KIF6: variants seen among roughly 807,000 people sequenced by gnomAD.
The protein encoded by KIF6 is kinesin family member 6.
A neutral mutation model predicts 112.7 loss-of-function variants in KIF6; 106 were observed. That is an observed-to-expected ratio of 0.94 (90% CI 0.80 to 1.11). The LOEUF (loss-of-function observed/expected upper bound fraction) is 1.11, where lower values mean the gene tolerates loss of function less well. KIF6 is among the 50% of genes least tolerant of loss of function. KIF6 has a pLI of 0.00. For synonymous variants in KIF6, 339 were observed against 339.9 expected (o/e 1.00, Z 0.03); for missense variants, 929 against 964.0 (o/e 0.96, Z 0.48).
chr6:39,393,353 G>T (rs1316279253), intron 15 of KIF6, among the ~76,000 whole-genome samples: 1 of 152,198 alleles, frequency 6.6e-6, no homozygotes, highest in Non-Finnish European at 1.5e-5. Flanking sequence ...GCAAGTGACT[G>T]AATGTCAGTG....
chr6:39,394,411 C>T (rs1024156965), intron 15 of KIF6, among the ~76,000 whole-genome samples: 3 of 152,124 alleles, frequency 2.0e-5, no homozygotes, highest in Non-Finnish European at 4.4e-5. Context: ...TATTCATAAC[C>T]GAAGTCTCAG....
intron 10 of KIF6, among the ~76,000 whole-genome samples, chr6:39,551,077 A>C (rs1249960545): frequency 6.6e-6 from 1 of 152,192 alleles, no homozygotes; most frequent in African/African-American, 2.4e-5. Context: ...TCTCTTCCAT[A>C]TACTGATTTC....
chr6:39,451,182 A>G (rs1581885869), intron 13 of KIF6, among the ~76,000 whole-genome samples: 1 of 152,144 alleles, frequency 6.6e-6, no homozygotes, highest in East Asian at 1.9e-4. Context: ...TGGAGCTGGG[A>G]ATATGGTGGT....
intron 7 of KIF6, among the ~76,000 whole-genome samples, chr6:39,586,777 C>A (rs1381263994): frequency 6.6e-6 from 1 of 152,062 alleles, no homozygotes; most frequent in Non-Finnish European, 1.5e-5. Flanking sequence ...GGGCTGTACA[C>A]CAGTAAGCAA....
chr6:39,718,174 G>A (rs1447152877), intron 2 of KIF6, among the ~76,000 whole-genome samples: 1 of 141,576 alleles, frequency 7.1e-6, no homozygotes, highest in Non-Finnish European at 1.5e-5. Context: ...AGGTTGCAGT[G>A]AGCCGAGATC....
chr6:39,509,500 G>A (rs2150506834), intron 13 of KIF6, among the ~76,000 whole-genome samples: 1 of 152,250 alleles, frequency 6.6e-6, no homozygotes, highest in Admixed American at 6.5e-5. Flanking sequence ...TTAGACAAAT[G>A]GCTAACTAGA....
intron 13 of KIF6, among the ~76,000 whole-genome samples, chr6:39,536,521 G>T (rs1449072699): frequency 1.5e-4 from 21 of 138,780 alleles, no homozygotes; most frequent in South Asian, 7.2e-4. Context: ...CCAGGAAGAA[G>T]TTGAATCTCT....
intron 13 of KIF6, among the ~76,000 whole-genome samples, chr6:39,483,702 G>A (rs1351535843): frequency 1.3e-5 from 2 of 152,240 alleles, no homozygotes; most frequent in Non-Finnish European, 1.5e-5. Context: ...GCCTTTATCC[G>A]AGATTCAAAG....
At chr6:39,522,684 G>C (rs763783007) in intron 13 of KIF6, among the ~76,000 whole-genome samples, 6 of 152,190 alleles carry the variant, frequency 3.9e-5, no homozygotes, top group Non-Finnish European at 8.8e-5. Context: ...GCAATGTCCA[G>C]TACTGTGAAC....
intron 9 of KIF6, among the ~76,000 whole-genome samples, 169 bp from the exon 10 acceptor site, chr6:39,578,328 GA>G (rs1266072353): frequency 1.6e-5 from 2 of 128,472 alleles, no homozygotes; most frequent in Non-Finnish European, 3.2e-5. Flanking sequence ...AATAGTTCTA[GA>G]TTTTTTTTTT....
chr6:39,343,574 A>T lies in KIF6; in HGVS notation c.2428+135T>A, dbSNP rs1389974266. 2 of 1,215,040 alleles carry T rather than the reference A, an allele frequency of 1.6e-6. No individual in the cohort carries two copies. The highest frequency in any genetic ancestry group is 2.3e-6 in the Non-Finnish European group (2 of 874,548). The allele number at this position is 1,215,040 out of a possible 1,614,324, so 75.3% of individuals were successfully genotyped here. On this transcript the variant is annotated intron_variant, in intron 22 of 22. Coordinates refer to ENST00000287152, the MANE Select transcript of KIF6 (RefSeq NM_145027.6). This position sits in a 1 kb window ranked among gnomAD's most constrained non-coding sequence, Gnocchi z 4.1. ...AGGAATCAGAGGCTGGGCACATGTG[A>T]CTGACAGGCAGGCCAGTCCTGTGGC...
intron 3 of KIF6, among the ~76,000 whole-genome samples, chr6:39,695,157 C>T (rs569379339): frequency 3.3e-5 from 5 of 152,124 alleles, no homozygotes; most frequent in East Asian, 3.9e-4. Context: ...TCACCATATA[C>T]AAAAATTAAC....
intron 5 of KIF6, among the ~76,000 whole-genome samples, chr6:39,621,639 C>T (rs1375111634): frequency 6.6e-6 from 1 of 152,134 alleles, no homozygotes; most frequent in Non-Finnish European, 1.5e-5. Context: ...GATGAATGAA[C>T]AAATGTGCTT....
chr6:39,657,155 C>G (rs2150803546), intron 3 of KIF6, among the ~76,000 whole-genome samples: 1 of 151,866 alleles, frequency 6.6e-6, no homozygotes, highest in African/African-American at 2.4e-5. Flanking sequence ...ATCGCTTGAA[C>G]CCTGGAGGCG....
At chr6:39,508,136 T>G (rs935627996) in intron 13 of KIF6, among the ~76,000 whole-genome samples, 2 of 151,802 alleles carry the variant, frequency 1.3e-5, no homozygotes, top group Non-Finnish European at 2.9e-5. Context: ...GGAGCAAAGT[T>G]CACAAAGTGT....
rs186995015 is a variant in KIF6, at chr6:39,343,931, C to A, written c.2322-116G>T. The A allele has an allele frequency of 5.0e-6, 3 of 597,230 alleles. No individual in the cohort carries two copies. The highest frequency in any genetic ancestry group is 1.9e-5 in the African/African-American group (1 of 53,324). The allele number at this position is 597,230 out of a possible 1,614,324, so 37.0% of individuals were successfully genotyped here. On this transcript the variant is annotated intron_variant, in intron 21 of 22. Coordinates refer to ENST00000287152, the MANE Select transcript of KIF6 (RefSeq NM_145027.6). This position sits in a 1 kb window ranked among gnomAD's most constrained non-coding sequence, Gnocchi z 4.1. The stretch of plus-strand genomic sequence containing the variant: ...ATCTCACTCAGAAAGCTACATGACA[C>A]GGCTGGCCTGCTTCTCACTCCCTCC...
chr6:39,469,471 T>C (rs1399630843), intron 13 of KIF6, among the ~76,000 whole-genome samples: 1 of 151,996 alleles, frequency 6.6e-6, no homozygotes, highest in Non-Finnish European at 1.5e-5. Context: ...AAAAGATGTA[T>C]CATGAAAACA....
In KIF6 at chr6:39,455,275, T is replaced by G. The variant is rs374008350; in HGVS notation, c.1646-24114A>C. Among the ~76,000 whole-genome samples, 233 of 151,620 alleles carry G rather than the reference T, an allele frequency of 1.5e-3. 1 individual carries two copies. In the South Asian group the frequency reaches 0.019, roughly 12 times the overall value. On this transcript the variant is annotated intron_variant, in intron 13 of 22. Coordinates refer to ENST00000287152, the MANE Select transcript of KIF6 (RefSeq NM_145027.6). The stretch of plus-strand genomic sequence containing the variant: ...GCAGGGGCACACTGACACCTCACAC[T>G]GCAGGGTATTCCAACAGACCTGCAG...
intron 6 of KIF6, among the ~76,000 whole-genome samples, chr6:39,598,435 C>T (rs1782398302): frequency 6.6e-6 from 1 of 151,996 alleles, no homozygotes. Context: ...TTGTGTACTG[C>T]TTGTGGAAAT....
Sources: gnomAD v4.1 joint callset for allele counts (sites outside exome capture counted in the v4.1 genomes callset) on GRCh38, gnomAD v4.1.1 for gene constraint, Gnocchi (gnomAD v3.1) non-coding constraint, MANE v1.5 for transcripts, NCBI Gene and HGNC (gene_info 2026-07-23, HGNC 2026-07-21) for gene names.